The following STAM variants were observed in gnomAD, a reference collection of about 807,000 sequenced individuals.
STAM encodes signal transducing adaptor molecule.
In STAM, 16 loss-of-function variants were observed where a neutral mutation model predicts 63.4. The observed-to-expected ratio is 0.25, with a 90% CI of 0.17 to 0.38. The LOEUF is 0.38. Ranked by LOEUF, STAM falls within the 10% of genes least tolerant of loss-of-function variation. The probability of loss-of-function intolerance (pLI) is 1.00; values close to 1 mark genes in which losing one functional copy is unlikely to be tolerated. For missense variants in STAM, 636 were observed against 657.1 expected, an observed-to-expected ratio of 0.97 and a Z score of 0.35; for synonymous variants, 238 against 223.9, an observed-to-expected ratio of 1.06 and a Z score of -0.56.
At chr10:17,693,658 C>T (rs1554827099) in intron 6 of STAM, among the ~76,000 whole-genome samples, 2 of 152,138 alleles carry the variant, frequency 1.3e-5, no homozygotes, top group Non-Finnish European at 2.9e-5. Flanking sequence ...GTGATATATC[C>T]ATTAACTGTT....
chr10:17,686,382 T>C, intron 4 of STAM, among the ~76,000 whole-genome samples: 1 of 151,642 alleles, frequency 6.6e-6, no homozygotes, highest in East Asian at 1.9e-4. Context: ...TCCCGCCTTT[T>C]TTTTTTTTTT....
chr10:17,650,573 A>G (rs1554821406), intron 1 of STAM, among the ~76,000 whole-genome samples: 1 of 152,220 alleles, frequency 6.6e-6, no homozygotes, highest in Non-Finnish European at 1.5e-5. Flanking sequence ...CAACAAATGT[A>G]TCCTGTCTAC....
intron 12 of STAM, among the ~76,000 whole-genome samples, chr10:17,708,015 C>T (rs1354637971): frequency 2.0e-5 from 3 of 152,004 alleles, no homozygotes; most frequent in Non-Finnish European, 4.4e-5. Flanking sequence ...CTCAGCCTCC[C>T]GAGTAGCTGG....
chr10:17,665,256 C>T (rs994154023), intron 2 of STAM, among the ~76,000 whole-genome samples: 14 of 152,020 alleles, frequency 9.2e-5, no homozygotes, highest in Middle Eastern at 3.4e-3. Flanking sequence ...TATGCATATG[C>T]ATATATATTT....
At chr10:17,702,101 CAA>C (rs1478304687) in intron 9 of STAM, among the ~76,000 whole-genome samples, 1 of 151,916 alleles carries the variant, frequency 6.6e-6, no homozygotes, top group Non-Finnish European at 1.5e-5. Context: ...ACTATAAAAA[CAA>C]AAAATAGGAA....
intron 1 of STAM, among the ~76,000 whole-genome samples, chr10:17,658,023 A>C (rs1414989785): frequency 6.6e-6 from 1 of 151,200 alleles, no homozygotes; most frequent in Non-Finnish European, 1.5e-5. Context: ...TTTGGATTTA[A>C]TTTGCTCTTC....
intron 2 of STAM, among the ~76,000 whole-genome samples, chr10:17,672,145 A>G (rs531974478): frequency 1.3e-4 from 20 of 152,312 alleles, no homozygotes; most frequent in Non-Finnish European, 2.5e-4. Context: ...CCTCCTATAT[A>G]GCAATGGAAA....
At chr10:17,697,490 A>T (rs1451964889) in intron 8 of STAM, among the ~76,000 whole-genome samples, 2 of 152,228 alleles carry the variant, frequency 1.3e-5, no homozygotes, top group Non-Finnish European at 2.9e-5. Flanking sequence ...ATCATATAAA[A>T]GTTTTTTGTT....
intron 9 of STAM, among the ~76,000 whole-genome samples, chr10:17,703,159 C>T (rs1051462762): frequency 9.9e-5 from 15 of 151,968 alleles, no homozygotes; most frequent in African/African-American, 2.9e-4. Flanking sequence ...CGGAAACCAT[C>T]TGTGTGTTAA....
At position 17,705,018 on chromosome 10, in the gene STAM, T is replaced by C. The variant is rs377433144; in HGVS notation, c.1049T>C (p.Ile350Thr). 4.4e-5 allele frequency: 71 copies of C among 1,613,246 alleles called. No homozygotes were observed. Among genetic ancestry groups the C allele is most frequent in the Non-Finnish European group, 5.7e-5 (67 of 1,179,562 alleles). ...GPLIDEKLED[I>T]DRKHSELSEL... ...CTCATTGATGAAAAGCTGGAAGATA[T>C]TGATAGGTAAAAGAACATGGGTGCA... The change falls in exon 11 of 14, where the codon ATT (isoleucine) becomes ACT (threonine). Residue 350 changes from isoleucine to threonine, a missense_variant. Around this residue, in one of 3 missense-constraint regions of STAM, gnomAD observed 532 missense variants for 536.9 expected, o/e 0.99. Coordinates refer to ENST00000377524, the MANE Select transcript of STAM (RefSeq NM_003473.4).
At chr10:17,649,180 G>T (rs971987312) in intron 1 of STAM, among the ~76,000 whole-genome samples, 1 of 152,312 alleles carries the variant, frequency 6.6e-6, no homozygotes, top group Admixed American at 6.5e-5. Flanking sequence ...GAGGCAGGAG[G>T]ATTCCTTGAG....
intron 8 of STAM, among the ~76,000 whole-genome samples, chr10:17,699,036 A>G (rs550698041): frequency 6.6e-6 from 1 of 152,314 alleles, no homozygotes; most frequent in Admixed American, 6.5e-5. Context: ...ATACAGAAGC[A>G]CACAACACGG....
In STAM at chr10:17,708,889, A is replaced by G; in HGVS notation, c.1323A>G (p.Ala441=). 1.2e-6 allele frequency: 2 copies of G among 1,614,198 alleles called. No individual in the cohort carries two copies. Among genetic ancestry groups the G allele is most frequent in the Non-Finnish European group, 1.7e-6 (2 of 1,180,022 alleles). The part of the protein sequence containing the change: ...PPEQLSSLSQ[A]VVPPSANPAL... ...AGCAGCTGTCTTCTCTCAGCCAGGC[A>G]GTGGTCCCACCATCCGCAAACCCAG... Residue 441 remains alanine (A), a synonymous_variant, in exon 13 of 14, where the codon GCA becomes GCG. Coordinates refer to ENST00000377524, the MANE Select transcript of STAM (RefSeq NM_003473.4).
rs782687683 is a variant in STAM at position 17,695,105 on chromosome 10, T to C, written c.592T>C (p.Tyr198His). ...GCAGTCAACCACCCTTTCCACTTTG[T>C]ATCCAAGCACATCCAGTCTCTTAAC... ...RQQSTTLSTL[Y>H]PSTSSLLTNH... Residue 198 changes from tyrosine to histidine, a missense_variant, in exon 7 of 14, where the codon TAT becomes CAT. Tyr to His is a moderately conservative substitution (Grantham distance 83). This residue lies in a region of STAM where 532 missense variants were observed against 536.9 expected (regional missense o/e 0.99). Transcript: ENST00000377524. 6.2e-7 allele frequency: 1 copy of C among 1,614,088 alleles called. No individual in the cohort carries two copies. The highest frequency in any genetic ancestry group is 8.5e-7 in the Non-Finnish European group (1 of 1,179,960).
At chr10:17,712,949 G>A (rs782186330) in intron 13 of STAM, among the ~76,000 whole-genome samples, 1 of 152,058 alleles carries the variant, frequency 6.6e-6, no homozygotes, top group Non-Finnish European at 1.5e-5. Flanking sequence ...GTGTGCTTCC[G>A]TATTTTCAAG....
At chr10:17,667,923 G>A (rs757380840) in intron 2 of STAM, among the ~76,000 whole-genome samples, 20 of 152,214 alleles carry the variant, frequency 1.3e-4, no homozygotes, top group Admixed American at 5.9e-4. Context: ...CTGAATGAGC[G>A]CAGAGCTGGG....
intron 2 of STAM, among the ~76,000 whole-genome samples, chr10:17,681,333 T>C (rs1835078800): frequency 6.6e-6 from 1 of 151,446 alleles, no homozygotes; most frequent in South Asian, 2.1e-4. Flanking sequence ...TCCCCTGTGA[T>C]TTTTTTCATT....
chr10:17,655,421 C>T (rs782250582), intron 1 of STAM, among the ~76,000 whole-genome samples: 2 of 151,748 alleles, frequency 1.3e-5, no homozygotes, highest in African/African-American at 4.8e-5. Flanking sequence ...AGGTAGGTAC[C>T]CTACCTAACC....
chr10:17,650,862 G>A (rs1589020237), intron 1 of STAM, among the ~76,000 whole-genome samples: 1 of 152,148 alleles, frequency 6.6e-6, no homozygotes, highest in East Asian at 1.9e-4. Flanking sequence ...TCAGCAGATC[G>A]AGACCATCCT....
Sources: allele counts gnomAD v4.1 joint callset (sites outside exome capture counted in the v4.1 genomes callset), GRCh38; gene constraint gnomAD v4.1.1; regional missense constraint gnomAD v4.1.1; transcripts MANE v1.5; gene names NCBI Gene and HGNC (gene_info 2026-07-23, HGNC 2026-07-21).